The following GALNT9 variants were observed in gnomAD, a reference collection of about 807,000 sequenced individuals.
The protein encoded by GALNT9 is polypeptide N-acetylgalactosaminyltransferase 9.
Under a neutral mutation model 63.1 loss-of-function variants are expected in GALNT9, and 47 were observed. The observed-to-expected ratio is 0.75, with a 90% CI of 0.59 to 0.95. The LOEUF (loss-of-function observed/expected upper bound fraction) is 0.95. Among genes scored for constraint, GALNT9 ranks in the 40% least tolerant of loss-of-function variants. GALNT9 has a pLI of 0.00. For synonymous variants in GALNT9, 396 were observed against 365.7 expected (o/e 1.08, Z -0.94); for missense variants, 829 against 874.8 (o/e 0.95, Z 0.66).
In GALNT9 at chr12:132,197,038, G is replaced by C; in HGVS notation, c.*69C>G. ...CTGCTGTGTCTGCCGGGCACACCCC[G>C]GTCACTCAGCCACACTGGCTCGGCC... On this transcript the variant is annotated 3_prime_UTR_variant, in exon 11 of 11. Transcript: ENST00000328957. 6.3e-7 allele frequency: 1 copy of C among 1,587,970 alleles called. No individual in the cohort carries two copies. Among genetic ancestry groups the C allele is most frequent in the Non-Finnish European group, 8.6e-7 (1 of 1,164,762 alleles).
At position 132,215,990 on chromosome 12, in the gene GALNT9, G is replaced by A. The variant is rs149747498; in HGVS notation, c.1078-12300C>T. On this transcript the variant is annotated intron_variant, in intron 6 of 10. Transcript: ENST00000328957. ...GACTCCTAAGGGACAGTGGCTGGAC[G>A]TGTGGAGGGAAGGGAGACGGTGGCG... is the stretch of plus-strand genomic sequence containing the variant. Among the ~76,000 whole-genome samples the A allele has an allele frequency of 1.3e-3, 196 of 152,296 alleles. 1 individual carries two copies. Among genetic ancestry groups the A allele is most frequent in the African/African-American group, 4.3e-3 (177 of 41,552 alleles).
chr12:132,258,818 G>A (rs565562134), intron 4 of GALNT9, among the ~76,000 whole-genome samples: 24 of 152,308 alleles, frequency 1.6e-4, no homozygotes, highest in Admixed American at 5.9e-4. Context: ...ATGGTCTACC[G>A]CAAGGTGAGA....
chr12:132,197,093 G>A lies in GALNT9; in HGVS notation c.*14C>T, dbSNP rs369452926. ...GCCTTCCCGAGGTCTGTGGGGGTCCGGGCGGAGGTGGGGTCAGTGCCGTGC... is the reference window on the plus strand; with the variant it reads ...GCCTTCCCGAGGTCTGTGGGGGTCCAGGCGGAGGTGGGGTCAGTGCCGTGC... On this transcript the variant is annotated 3_prime_UTR_variant, in exon 11 of 11. Transcript: ENST00000328957. 1.3e-4 allele frequency: 212 copies of A among 1,613,244 alleles called. No homozygotes were observed. Among genetic ancestry groups the A allele is most frequent in the Non-Finnish European group, 1.7e-4 (197 of 1,179,572 alleles).
At chr12:132,225,661 C>CA (rs1877642432) in intron 6 of GALNT9, among the ~76,000 whole-genome samples, 1 of 148,578 alleles carries the variant, frequency 6.7e-6, no homozygotes. Context: ...ACACACCCCA[C>CA]ACACACACTC....
In GALNT9 at chr12:132,245,745, G is replaced by T. The variant is rs1878684967; in HGVS notation, c.1077+2165C>A. ...GAGCCTGGGATGCACCCACGACCCAGCCTCCTGGGACCTCCTCTCACTGCA... is the reference window on the plus strand; with the variant it reads ...GAGCCTGGGATGCACCCACGACCCATCCTCCTGGGACCTCCTCTCACTGCA... On this transcript the variant is annotated intron_variant, in intron 6 of 10. Transcript: ENST00000328957. The surrounding 1 kb of genome is among the most constrained non-coding windows in gnomAD (Gnocchi z 6.3). Among the ~76,000 whole-genome samples the T allele has an allele frequency of 2.6e-5, 4 of 152,370 alleles. No homozygotes were observed. The South Asian group carries it at 8.3e-4, about 32-fold the overall frequency.
In GALNT9 at chr12:132,245,381, G is replaced by T. The variant is rs138527922; in HGVS notation, c.1077+2529C>A. ...CAGTTGAACCCGGGAGGTGGAGGTT[G>T]CAGTGAGCAGAGATCGTGCCACTGC... On this transcript the variant is annotated intron_variant, in intron 6 of 10. Transcript: ENST00000328957. This position sits in a 1 kb window ranked among gnomAD's most constrained non-coding sequence, Gnocchi z 6.3. 4.4e-3 allele frequency among the ~76,000 whole-genome samples: 674 copies of T among 152,252 alleles called. 21 individuals carry two copies. In the East Asian group the frequency reaches 0.064, roughly 15 times the overall value.
At chr12:132,280,383 T>A (rs1880288760) in intron 2 of GALNT9, 1 of 152,264 alleles carries the variant, frequency 6.6e-6, no homozygotes, top group Non-Finnish European at 1.5e-5. Flanking sequence ...TGGAGACAGA[T>A]GTGCCTCACA....
intron 2 of GALNT9, among the ~76,000 whole-genome samples, chr12:132,272,180 G>A (rs1189293947): frequency 2.0e-5 from 3 of 152,192 alleles, no homozygotes; most frequent in Non-Finnish European, 4.4e-5. Context: ...TGCTCATCAC[G>A]GGACCCAGGC....
intron 2 of GALNT9, among the ~76,000 whole-genome samples, chr12:132,263,481 T>G (rs56903041): frequency 0.065 from 9,627 of 147,782 alleles, 1,008 homozygotes; most frequent in African/African-American, 0.23. Context: ...GTTGGGGTGG[T>G]GGGCAGAGGC....
chr12:132,269,891 A>C (rs1879804602), intron 2 of GALNT9, among the ~76,000 whole-genome samples: 1 of 152,186 alleles, frequency 6.6e-6, no homozygotes, highest in Non-Finnish European at 1.5e-5. Flanking sequence ...CCAGTTTCCC[A>C]GATAACTTAG....
chr12:132,197,347 G>A (rs902210662), intron 10 of GALNT9, 94 bp from the exon 11 acceptor site: 120 of 1,536,174 alleles, frequency 7.8e-5, no homozygotes, highest in East Asian at 2.1e-4. Flanking sequence ...CTCAGCCCTC[G>A]TGCTCATTCT....
intron 7 of GALNT9, among the ~76,000 whole-genome samples, chr12:132,203,198 T>TG (rs1386476684): frequency 6.6e-6 from 1 of 152,140 alleles, no homozygotes; most frequent in East Asian, 1.9e-4. Context: ...GGCACCAGGT[T>TG]GGGGAGAGGC....
At position 132,245,039 on chromosome 12, in the gene GALNT9, A is replaced by G. The variant is rs1256391481; in HGVS notation, c.1077+2871T>C. Among the ~76,000 whole-genome samples, 1 of 151,924 alleles carries G rather than the reference A, an allele frequency of 6.6e-6. No individual in the cohort carries two copies. Among genetic ancestry groups the G allele is most frequent in the Non-Finnish European group, 1.5e-5 (1 of 67,940 alleles). ...GGGCAGGGAGGTCAGGGAGTGGAGT[A>G]AACGCTGGGCGCGGCCACAGCTGTG... On this transcript the variant is annotated intron_variant, in intron 6 of 10. Coordinates refer to ENST00000328957, the MANE Select transcript of GALNT9 (RefSeq NM_001122636.2). The surrounding 1 kb of genome is among the most constrained non-coding windows in gnomAD (Gnocchi z 6.3).
At chr12:132,257,952 CGCCCACAGGGAGGGGAG>C in intron 4 of GALNT9, 66 bp from the exon 5 acceptor site, 1 of 1,157,518 alleles carries the variant, frequency 8.6e-7, no homozygotes, top group Non-Finnish European at 1.2e-6. Context: ...AGGGTCCACT[CGCCCACAGGGAGGGGAG>C]GCCAGTCCCC....
rs1412269967 is a variant in GALNT9 at position 132,236,979 on chromosome 12, G to A, written c.1077+10931C>T. Reference sequence around the variant, plus strand: ...ATCCTCATCCAATCTGGTAACCCTCGTATCCTGGATCTCTCCGGGTGCTCC... The same window carrying A: ...ATCCTCATCCAATCTGGTAACCCTCATATCCTGGATCTCTCCGGGTGCTCC... On this transcript the variant is annotated intron_variant, in intron 6 of 10. Transcript: ENST00000328957. The surrounding 1 kb of genome is among the most constrained non-coding windows in gnomAD (Gnocchi z 5.6). 6.6e-6 allele frequency among the ~76,000 whole-genome samples: 1 copy of A among 152,148 alleles called. No homozygotes were observed. The highest frequency in any genetic ancestry group is 2.4e-5 in the African/African-American group (1 of 41,414).
At chr12:132,275,985 C>G (rs1275069394) in intron 2 of GALNT9, 1 of 152,362 alleles carries the variant, frequency 6.6e-6, no homozygotes, top group Non-Finnish European at 1.5e-5. Context: ...CTTAGAGAGT[C>G]CAGGGCTGCC....
chr12:132,306,283 C>T (rs1434034325), intron 1 of GALNT9, among the ~76,000 whole-genome samples: 11 of 152,246 alleles, frequency 7.2e-5, no homozygotes, highest in African/African-American at 2.2e-4. Context: ...GTGGCCTGGA[C>T]GCCGGACGGT....
intron 6 of GALNT9, among the ~76,000 whole-genome samples, chr12:132,210,915 G>A (rs1371450714): frequency 1.3e-5 from 2 of 151,928 alleles, no homozygotes; most frequent in African/African-American, 2.4e-5. Flanking sequence ...GCTGTCTGGT[G>A]GTCGGCTGCC....
chr12:132,236,372 G>T lies in GALNT9; in HGVS notation c.1077+11538C>A, dbSNP rs190795540. Among the ~76,000 whole-genome samples, 534 of 152,222 alleles carry T rather than the reference G, an allele frequency of 3.5e-3. 10 individuals are homozygous for T. The highest frequency in any genetic ancestry group is 0.025 in the Admixed American group (376 of 15,300). Reference sequence around the variant, plus strand: ...GTGGGGGCTGCGGGCTCCAGGCCTGGTGTCTCTGGAGGGGGCCTCGGAACC... The same window carrying T: ...GTGGGGGCTGCGGGCTCCAGGCCTGTTGTCTCTGGAGGGGGCCTCGGAACC... On this transcript the variant is annotated intron_variant, in intron 6 of 10. Coordinates refer to ENST00000328957, the MANE Select transcript of GALNT9 (RefSeq NM_001122636.2). This position sits in a 1 kb window ranked among gnomAD's most constrained non-coding sequence, Gnocchi z 5.6.
Sources: gnomAD v4.1 joint callset for allele counts (sites outside exome capture counted in the v4.1 genomes callset) on GRCh38, gnomAD v4.1.1 for gene constraint, Gnocchi (gnomAD v3.1) non-coding constraint, MANE v1.5 for transcripts, NCBI Gene and HGNC (gene_info 2026-07-23, HGNC 2026-07-21) for gene names.